Variants in ZNF652 observed in about 807,000 individuals in gnomAD.
ZNF652 encodes zinc finger protein 652.
In ZNF652, 16 loss-of-function variants were observed where a neutral mutation model predicts 45.2. That is an observed-to-expected ratio of 0.35 (90% CI 0.24 to 0.54). The LOEUF is 0.54. ZNF652 is among the 20% of genes least tolerant of loss of function. ZNF652 has a pLI of 0.91. For synonymous variants in ZNF652, 250 were observed against 260.6 expected (o/e 0.96, Z 0.39); for missense variants, 614 against 765.6 (o/e 0.80, Z 2.34).
rs2069811492 is a variant in ZNF652, at chr17:49,316,843, A to G, written c.883T>C (p.Cys295Arg). Residue 295 changes from cysteine to arginine, a missense_variant, in exon 2 of 6, where the codon TGT becomes CGT. Around this residue, in one of 5 missense-constraint regions of ZNF652, gnomAD observed 262 missense variants for 306.3 expected, o/e 0.86. Transcript: ENST00000430262. ...SELSLHQQTD[C>R]EKNIQCVSCN... is the part of the protein sequence containing the mutation. ...AAACCTACCTGAATGTTTTTTTCAC[A>G]GTCTGTTTGCTGGTGAAGGGACAGC... The G allele has an allele frequency of 6.2e-7, 1 of 1,608,500 alleles. No homozygotes were observed. The highest frequency in any genetic ancestry group is 8.5e-7 in the Non-Finnish European group (1 of 1,178,374).
At chr17:49,339,197 A>T (rs11656449) in intron 1 of ZNF652, among the ~76,000 whole-genome samples, 29,711 of 119,872 alleles carry the variant, frequency 0.25, 3,742 homozygotes, top group South Asian at 0.34. Flanking sequence ...GAGTTAGGAA[A>T]TTTTTTTTTT....
chr17:49,351,014 TACACAC>T (rs370792940), intron 1 of ZNF652, among the ~76,000 whole-genome samples: 130 of 29,622 alleles, frequency 4.4e-3, no homozygotes, highest in Admixed American at 0.013. Flanking sequence ...TATATATATA[TACACAC>T]ACACACACAC....
chr17:49,334,776 C>CT (rs2070062370), intron 1 of ZNF652, among the ~76,000 whole-genome samples: 2 of 133,216 alleles, frequency 1.5e-5, no homozygotes, highest in African/African-American at 5.9e-5. Flanking sequence ...AAGACTCGAT[C>CT]TCCAAAAAAA....
intron 3 of ZNF652, among the ~76,000 whole-genome samples, 162 bp from the exon 4 acceptor site, chr17:49,312,204 C>T (rs552080078): frequency 6.0e-5 from 7 of 117,000 alleles, no homozygotes; most frequent in South Asian, 2.9e-4. Flanking sequence ...CTTGCTCTGT[C>T]GCACAGGCCG....
chr17:49,302,017 C>T (rs969973373), intron 5 of ZNF652, among the ~76,000 whole-genome samples: 1 of 151,848 alleles, frequency 6.6e-6, no homozygotes, highest in South Asian at 2.1e-4. Context: ...TTTGGGAGGC[C>T]GAAGCAGGAG....
intron 5 of ZNF652, among the ~76,000 whole-genome samples, chr17:49,304,068 T>TTTTTA (rs559362427): frequency 0.17 from 24,889 of 144,548 alleles, 2,395 homozygotes; most frequent in South Asian, 0.28. Flanking sequence ...TTTTTTTTTT[T>TTTTTA]TTTTTGTATT....
At chr17:49,311,787 C>G in intron 4 of ZNF652, 140 bp downstream of exon 4, 1 of 671,666 alleles carries the variant, frequency 1.5e-6, no homozygotes, top group Non-Finnish European at 2.5e-6. Flanking sequence ...ACAGCGCACA[C>G]AGAGCTCAGA....
chr17:49,350,845 C>G (rs1053040155), intron 1 of ZNF652, among the ~76,000 whole-genome samples: 18 of 150,868 alleles, frequency 1.2e-4, no homozygotes, highest in Non-Finnish European at 2.5e-4. Context: ...TGGCAGATGC[C>G]TATAATCCCA....
At chr17:49,330,772 C>T (rs770122471) in intron 1 of ZNF652, among the ~76,000 whole-genome samples, 6 of 151,628 alleles carry the variant, frequency 4.0e-5, no homozygotes, top group Non-Finnish European at 7.4e-5. Flanking sequence ...AATCAGAGGC[C>T]GGGCACAGTG....
At chr17:49,315,462 A>C (rs1001639950) in intron 2 of ZNF652, among the ~76,000 whole-genome samples, 9 of 152,160 alleles carry the variant, frequency 5.9e-5, no homozygotes, top group Admixed American at 4.6e-4. Context: ...ACAAAACTTA[A>C]ACACAAATTT....
intron 1 of ZNF652, among the ~76,000 whole-genome samples, chr17:49,350,638 C>G (rs970862158): frequency 5.3e-5 from 8 of 151,520 alleles, no homozygotes; most frequent in Non-Finnish European, 1.0e-4. Flanking sequence ...TTCAAAAAGG[C>G]AGGCTGCTTT....
chr17:49,327,730 AATATATATATATATATATATATATAT>A lies in ZNF652; in HGVS notation c.-258-9773_-258-9748del, dbSNP rs68056731. 6.6e-3 allele frequency among the ~76,000 whole-genome samples: 403 copies of A among 61,406 alleles called. 18 individuals carry two copies. The East Asian group carries it at 0.081, about 12-fold the overall frequency. 40.3% of individuals were successfully genotyped at this position (61,406 alleles called of 152,430 possible). A position where few individuals can be genotyped will look rare whatever the true frequency, so the allele number is the denominator to read the frequency against. On this transcript the variant is annotated intron_variant, in intron 1 of 5. Transcript: ENST00000430262. Reference sequence around the variant, plus strand: ...CCTCGTGTCTACTTTTAAATAAATAAATATATATATATATATATATATATATATATATATATATATATATATATATT... The same window carrying A: ...CCTCGTGTCTACTTTTAAATAAATAAATATATATATATATATATATATATT...
chr17:49,338,041 G>A (rs948357707), intron 1 of ZNF652, among the ~76,000 whole-genome samples: 17 of 152,094 alleles, frequency 1.1e-4, no homozygotes, highest in Non-Finnish European at 2.1e-4. Context: ...AGGCTGGAGT[G>A]CAGTGGCGCG....
At chr17:49,327,767 ATATATATATATATT>A (rs1567690524) in intron 1 of ZNF652, among the ~76,000 whole-genome samples, 10 of 4,896 alleles carry the variant, frequency 2.0e-3, no homozygotes, top group East Asian at 8.1e-3. Flanking sequence ...ATATATATAT[ATATATATATATATT>A]TTTTTTTTTT....
At chr17:49,332,517 A>G (rs556364947) in intron 1 of ZNF652, among the ~76,000 whole-genome samples, 60 of 152,296 alleles carry the variant, frequency 3.9e-4, no homozygotes, top group African/African-American at 1.4e-3. Flanking sequence ...AAAGGAACAC[A>G]CACAATTTTA....
At chr17:49,345,066 G>C (rs897035947) in intron 1 of ZNF652, among the ~76,000 whole-genome samples, 2 of 152,140 alleles carry the variant, frequency 1.3e-5, no homozygotes, top group Admixed American at 6.6e-5. Context: ...TGAGTCAGAG[G>C]GGCCCTAAGA....
chr17:49,348,524 GAA>G (rs2070235229), intron 1 of ZNF652, among the ~76,000 whole-genome samples: 1 of 145,902 alleles, frequency 6.9e-6, no homozygotes, highest in African/African-American at 2.5e-5. Flanking sequence ...GAAAAGAAAA[GAA>G]AAGAAAAGAA....
At chr17:49,345,046 G>A (rs1325096773) in intron 1 of ZNF652, among the ~76,000 whole-genome samples, 1 of 152,076 alleles carries the variant, frequency 6.6e-6, no homozygotes, top group East Asian at 1.9e-4. Flanking sequence ...AAGGCCCACT[G>A]GCTAAAAGAT....
chr17:49,310,278 A>G lies in ZNF652; in HGVS notation c.1309+1034T>C, dbSNP rs2069692095. Among the ~76,000 whole-genome samples the G allele has an allele frequency of 5.3e-5, 8 of 151,710 alleles. No homozygotes were observed. In the South Asian group the frequency reaches 1.5e-3, roughly 28 times the overall value. ...CTCTGTTGTTCTTTCTAGCTCCACC[A>G]CTCTGTAGACTAATGGAACCTGGAA... On this transcript the variant is annotated intron_variant, in intron 5 of 5. Transcript: ENST00000430262.
Sources: gnomAD v4.1 joint callset for allele counts (sites outside exome capture counted in the v4.1 genomes callset) on GRCh38, gnomAD v4.1.1 for gene constraint, gnomAD v4.1.1 regional missense constraint, MANE v1.5 for transcripts, NCBI Gene and HGNC (gene_info 2026-07-23, HGNC 2026-07-21) for gene names.